Variants in KCNIP4 observed in about 807,000 individuals in gnomAD.
KCNIP4 encodes the protein potassium voltage-gated channel interacting protein 4.
Under a neutral mutation model 34.0 loss-of-function variants are expected in KCNIP4, and 12 were observed. The observed-to-expected ratio is 0.35, with a 90% CI of 0.23 to 0.57. The LOEUF is 0.57. Ranked by LOEUF, KCNIP4 falls within the 20% of genes least tolerant of loss-of-function variation. KCNIP4 has a pLI of 0.83. For missense variants in KCNIP4, 238 were observed against 311.7 expected, an observed-to-expected ratio of 0.76 and a Z score of 1.78; for synonymous variants, 124 against 102.2, an observed-to-expected ratio of 1.21 and a Z score of -1.29.
chr4:20,982,565 C>A (rs113344355), intron 1 of KCNIP4, among the ~76,000 whole-genome samples: 1,899 of 152,250 alleles, frequency 0.012, 41 homozygotes, highest in African/African-American at 0.042. Flanking sequence ...TGTGTCTAAG[C>A]AGAACTTATT....
chr4:21,565,022 G>T (rs1044396811), intron 1 of KCNIP4, among the ~76,000 whole-genome samples: 3 of 152,088 alleles, frequency 2.0e-5, no homozygotes, highest in African/African-American at 4.8e-5. Context: ...TTGGGTTGGG[G>T]GCTAATATGC....
intron 3 of KCNIP4, among the ~76,000 whole-genome samples, chr4:20,799,733 T>C (rs1192298835): frequency 6.6e-6 from 1 of 152,152 alleles, no homozygotes; most frequent in Non-Finnish European, 1.5e-5. Context: ...AACTCCACAC[T>C]ATGTGCTATC....
At chr4:21,334,430 A>G (rs1715958302) in intron 1 of KCNIP4, among the ~76,000 whole-genome samples, 1 of 152,078 alleles carries the variant, frequency 6.6e-6, no homozygotes, top group South Asian at 2.1e-4. Flanking sequence ...AGAGCAAGGT[A>G]CCCGGCAGAG....
intron 1 of KCNIP4, among the ~76,000 whole-genome samples, chr4:21,263,609 AGCCGGTGCTCT>A (rs1761609488): frequency 1.3e-5 from 2 of 152,196 alleles, no homozygotes; most frequent in South Asian, 4.1e-4. Context: ...TTCCTGCCAG[AGCCGGTGCTCT>A]AAGACAACTT....
chr4:20,872,970 C>G (rs1723644243), intron 2 of KCNIP4, among the ~76,000 whole-genome samples: 1 of 151,660 alleles, frequency 6.6e-6, no homozygotes, highest in Admixed American at 6.6e-5. Flanking sequence ...GGCCTTCCCT[C>G]TATGTTCCTT....
intron 1 of KCNIP4, among the ~76,000 whole-genome samples, chr4:21,519,742 TAC>T (rs1400302238): frequency 7.9e-6 from 1 of 126,828 alleles, no homozygotes; most frequent in Non-Finnish European, 1.6e-5. Flanking sequence ...ATATGTATGA[TAC>T]ACACGTGTGT....
intron 3 of KCNIP4, among the ~76,000 whole-genome samples, chr4:20,837,283 T>A (rs1470105517): frequency 1.3e-5 from 2 of 152,156 alleles, no homozygotes; most frequent in Non-Finnish European, 1.5e-5. Context: ...CAACACAGAT[T>A]TAAGAGGACT....
At chr4:21,250,282 A>G (rs998375902) in intron 1 of KCNIP4, among the ~76,000 whole-genome samples, 1 of 152,038 alleles carries the variant, frequency 6.6e-6, no homozygotes, top group Non-Finnish European at 1.5e-5. Context: ...AATAAAAATA[A>G]TGCAGAAATT....
intron 1 of KCNIP4, among the ~76,000 whole-genome samples, chr4:21,340,504 C>A (rs986001905): frequency 6.6e-6 from 1 of 151,996 alleles, no homozygotes; most frequent in Non-Finnish European, 1.5e-5. Flanking sequence ...AATAACTTGG[C>A]AGGATCTCAT....
At chr4:21,886,947 A>G (rs1726804637) in intron 1 of KCNIP4, among the ~76,000 whole-genome samples, 1 of 152,162 alleles carries the variant, frequency 6.6e-6, no homozygotes, top group Non-Finnish European at 1.5e-5. Context: ...AAAAAACTGG[A>G]TGAAATCAAA....
At chr4:21,142,326 G>A (rs149837045) in intron 1 of KCNIP4, among the ~76,000 whole-genome samples, 134 of 152,158 alleles carry the variant, frequency 8.8e-4, no homozygotes, top group East Asian at 2.7e-3. Flanking sequence ...CTTAGGCCAC[G>A]TAAGATTCCA....
intron 1 of KCNIP4, among the ~76,000 whole-genome samples, chr4:21,102,113 CAA>C (rs1432972635): frequency 2.0e-5 from 3 of 152,128 alleles, no homozygotes; most frequent in African/African-American, 7.2e-5. Flanking sequence ...GGGAAGGTGA[CAA>C]AGACAATGTA....
intron 1 of KCNIP4, among the ~76,000 whole-genome samples, chr4:21,083,502 G>A (rs1442175986): frequency 1.3e-5 from 2 of 151,728 alleles, no homozygotes; most frequent in African/African-American, 4.9e-5. Context: ...CCTTTAAAAG[G>A]GAGGGAGATC....
At position 21,528,795 on chromosome 4, in the gene KCNIP4, GGAAGA is replaced by G. The variant is rs1268278990; in HGVS notation, c.61+419771_61+419775del. 7.1e-4 allele frequency among the ~76,000 whole-genome samples: 21 copies of G among 29,654 alleles called. 5 individuals are homozygous for G. The highest frequency in any genetic ancestry group is 3.1e-3 in the South Asian group (2 of 654). The allele number at this position is 29,654 out of a possible 152,430, so 19.5% of individuals were successfully genotyped here. On this transcript the variant is annotated intron_variant, in intron 1 of 8. Coordinates refer to ENST00000382152, the MANE Select transcript of KCNIP4 (RefSeq NM_025221.6). ...AGAAAGAAAGGAAGAAAGGAAGAAA[GGAAGA>G]AAGGAAGGAAGGAAGGAAGGAAGGA...
chr4:21,620,664 G>C lies in KCNIP4; in HGVS notation c.61+327907C>G, dbSNP rs186800230. 1.3e-4 allele frequency among the ~76,000 whole-genome samples: 20 copies of C among 152,302 alleles called. 1 individual carries two copies. Among genetic ancestry groups the C allele is most frequent in the African/African-American group, 4.3e-4 (18 of 41,558 alleles). On this transcript the variant is annotated intron_variant, in intron 1 of 8. Coordinates refer to ENST00000382152, the MANE Select transcript of KCNIP4 (RefSeq NM_025221.6). ...AGCATTGATGAAAAATAGTTGCAAA[G>C]ATTTCCCTGAACAATCAGCCCTAGC...
intron 1 of KCNIP4, among the ~76,000 whole-genome samples, chr4:21,242,730 C>G (rs1019998583): frequency 6.6e-6 from 1 of 152,168 alleles, no homozygotes; most frequent in African/African-American, 2.4e-5. Context: ...CTCTGGTTCT[C>G]AGACCTTTGG....
intron 1 of KCNIP4, among the ~76,000 whole-genome samples, chr4:21,077,345 G>A (rs1378690536): frequency 1.3e-5 from 2 of 152,036 alleles, no homozygotes; most frequent in Admixed American, 6.6e-5. Flanking sequence ...ATTTGAAGAA[G>A]TTACTACTCA....
intron 1 of KCNIP4, among the ~76,000 whole-genome samples, chr4:21,738,606 C>T (rs1716178610): frequency 6.6e-6 from 1 of 152,170 alleles, no homozygotes; most frequent in African/African-American, 2.4e-5. Flanking sequence ...CTGCTTTTCA[C>T]AGTGTCTCTG....
chr4:21,121,130 T>G (rs553184416), intron 1 of KCNIP4, among the ~76,000 whole-genome samples: 1 of 152,204 alleles, frequency 6.6e-6, no homozygotes, highest in African/African-American at 2.4e-5. Flanking sequence ...CAAAACCGGC[T>G]GGGCAAGGCA....
Sources: gnomAD v4.1 joint callset for allele counts (sites outside exome capture counted in the v4.1 genomes callset) on GRCh38, gnomAD v4.1.1 for gene constraint, MANE v1.5 for transcripts, NCBI Gene and HGNC (gene_info 2026-07-23, HGNC 2026-07-21) for gene names.